Variants in TPM2 observed in about 807,000 individuals in gnomAD.
TPM2 encodes tropomyosin 2.
Under a neutral mutation model 41.0 loss-of-function variants are expected in TPM2, and 26 were observed. The observed-to-expected ratio is 0.63, with a 90% CI of 0.46 to 0.88. The LOEUF (loss-of-function observed/expected upper bound fraction) is 0.88, where lower values mean the gene tolerates loss of function less well. Among genes scored for constraint, TPM2 ranks in the 40% least tolerant of loss-of-function variants. The pLI is 0.00. For synonymous variants in TPM2, 143 were observed against 139.3 expected (o/e 1.03, Z -0.19); for missense variants, 187 against 355.2 (o/e 0.53, Z 3.81).
At chr9:35,684,423 A>G in intron 7 of TPM2, 65 bp downstream of exon 7, 1 of 1,612,370 alleles carries the variant, frequency 6.2e-7, no homozygotes, top group Admixed American at 1.7e-5. Flanking sequence ...GTCCTGCCAC[A>G]GGCCGTCTCT....
intron 2 of TPM2, among the ~76,000 whole-genome samples, chr9:35,686,636 CA>C (rs11408936): frequency 1.5e-4 from 16 of 104,366 alleles, no homozygotes; most frequent in East Asian, 5.5e-4. Flanking sequence ...GATCCCATCT[CA>C]AAAAAAAAAA....
chr9:35,687,167 G>C (rs62545551), intron 2 of TPM2, among the ~76,000 whole-genome samples: 4 of 152,088 alleles, frequency 2.6e-5, no homozygotes, highest in African/African-American at 9.7e-5. Context: ...CAGGACCTTC[G>C]GTGAGACTCA....
At chr9:35,687,866 C>G (rs1331991144) in intron 2 of TPM2, among the ~76,000 whole-genome samples, 2 of 152,104 alleles carry the variant, frequency 1.3e-5, no homozygotes, top group Admixed American at 6.6e-5. Context: ...TTCCCAGTTA[C>G]GGGGGCGGCT....
Position 35,689,843 on chromosome 9 carries a change from G to A in TPM2, c.-26C>T, listed in dbSNP as rs1262661116. ...GGCTGCGGTGGGGGGTGGGCCGGCC[G>A]GCAGGCGGTGAGGACCGGACGGACT... On this transcript the variant is annotated 5_prime_UTR_variant, in exon 1 of 9. Coordinates refer to ENST00000645482, the MANE Select transcript of TPM2 (RefSeq NM_003289.4). 17 of 1,612,878 alleles carry A rather than the reference G, an allele frequency of 1.1e-5. No individual in the cohort carries two copies. Among genetic ancestry groups the A allele is most frequent in the South Asian group, 3.3e-5 (3 of 91,074 alleles).
chr9:35,682,749 A>G (rs952941214), downstream of TPM2: 144 of 1,319,544 alleles, frequency 1.1e-4, no homozygotes, highest in Non-Finnish European at 1.4e-4. Context: ...TGCAGTGGTG[A>G]ATCAGAGAGC....
intron 2 of TPM2, among the ~76,000 whole-genome samples, chr9:35,688,737 C>A (rs1486472022): frequency 6.6e-6 from 1 of 152,162 alleles, no homozygotes; most frequent in Non-Finnish European, 1.5e-5. Flanking sequence ...CTGGATCCCT[C>A]TCCCTCCTCC....
In TPM2 at chr9:35,683,250, G is replaced by C. The variant is rs1175005753; in HGVS notation, c.773-9C>G. On this transcript the variant is annotated splice_polypyrimidine_tract_variant and intron_variant, in intron 8 of 8. Coordinates refer to ENST00000645482, the MANE Select transcript of TPM2 (RefSeq NM_003289.4). ...CTGGGCATAGACTTCATCTGGGGGG[G>C]GTCCAGGGAGGGGACCAGGTGGGAG... The C allele has an allele frequency of 9.0e-6, 14 of 1,549,944 alleles. No individual in the cohort carries two copies. Among genetic ancestry groups the C allele is most frequent in the Admixed American group, 7.8e-5 (4 of 51,290 alleles).
In TPM2 at chr9:35,684,714, C is replaced by T. The variant is rs1402003232; in HGVS notation, c.639+18G>A. ...CCCTGTGGGACCCCATCCTCACTGC[C>T]CCTCTGCTCCCCTCTACCTTGTCCG... On this transcript the variant is annotated intron_variant, in intron 6 of 8. Transcript: ENST00000645482. The T allele has an allele frequency of 6.2e-7, 1 of 1,614,138 alleles. No individual in the cohort carries two copies. Among genetic ancestry groups the T allele is most frequent in the Non-Finnish European group, 8.5e-7 (1 of 1,180,022 alleles).
intron 6 of TPM2, 86 bp from the exon 7 acceptor site, chr9:35,684,636 T>A: frequency 6.2e-7 from 1 of 1,613,440 alleles, no homozygotes; most frequent in Non-Finnish European, 8.5e-7. Flanking sequence ...CCTGGTCATC[T>A]TGCCTCCGTT....
rs781185798 is a variant in TPM2, at chr9:35,685,105, T to C, written c.563+164A>G. The C allele has an allele frequency of 2.5e-6, 4 of 1,614,120 alleles. No individual in the cohort carries two copies. Among genetic ancestry groups the C allele is most frequent in the East Asian group, 2.2e-5 (1 of 44,868 alleles). ...ATCAGGGACTTGAGGGCCTGGTCCA[T>C]GGTTCGAAGTTCCTCCTCCAGCTGT... On this transcript the variant is annotated intron_variant, in intron 5 of 8. Coordinates refer to ENST00000645482, the MANE Select transcript of TPM2 (RefSeq NM_003289.4). This position sits in a 1 kb window ranked among gnomAD's most constrained non-coding sequence, Gnocchi z 5.0.
Position 35,685,794 on chromosome 9 carries a change from G to A in TPM2, c.241-14C>T, listed in dbSNP as rs767992303. The A allele has an allele frequency of 3.1e-6, 5 of 1,614,030 alleles. No homozygotes were observed. Among genetic ancestry groups the A allele is most frequent in the Non-Finnish European group, 4.2e-6 (5 of 1,180,044 alleles). The stretch of plus-strand genomic sequence containing the variant: ...ATCTGCCTCAGCCTGTGGGTCAGAG[G>A]TCAGGGGTCAAAAAGGCCTTGTTAG... On this transcript the variant is annotated splice_polypyrimidine_tract_variant and intron_variant, in intron 2 of 8. Coordinates refer to ENST00000645482, the MANE Select transcript of TPM2 (RefSeq NM_003289.4). This position sits in a 1 kb window ranked among gnomAD's most constrained non-coding sequence, Gnocchi z 5.0.
rs1210691624 is a variant in TPM2 at position 35,683,162 on chromosome 9, G to A, written c.852C>T (p.Leu284=). 4 of 1,554,284 alleles carry A rather than the reference G, an allele frequency of 2.6e-6. No individual in the cohort carries two copies. The highest frequency in any genetic ancestry group is 3.3e-4 in the Middle Eastern group (2 of 5,994). Residue 284 remains leucine (L), a synonymous_variant, in exon 9 of 9, where the codon CTC becomes CTT. Transcript: ENST00000645482. ...LDNALNDITS[L] is the part of the protein sequence containing the mutation. ...GGTGGCCACGCTGGCGTGGGGCTCA[G>A]AGGGAGGTGATGTCATTGAGTGCGT...
intron 2 of TPM2, chr9:35,686,288 A>AGCTCC: frequency 4.1e-6 from 1 of 245,290 alleles, no homozygotes; most frequent in Non-Finnish European, 8.0e-6. Flanking sequence ...TTGCTTGACA[A>AGCTCC]GCTCCGCTCC....
chr9:35,687,467 G>A (rs931294995), intron 2 of TPM2, among the ~76,000 whole-genome samples: 2 of 151,140 alleles, frequency 1.3e-5, no homozygotes, highest in Admixed American at 6.6e-5. Flanking sequence ...GAAAGGAGGT[G>A]GGGGGAGGGG....
At position 35,689,887 on chromosome 9, in the gene TPM2, G is replaced by T; in HGVS notation, c.-70C>A. 6.2e-7 allele frequency: 1 copy of T among 1,609,198 alleles called. No homozygotes were observed. The highest frequency in any genetic ancestry group is 8.5e-7 in the Non-Finnish European group (1 of 1,178,514). ...ACGGACTGGGCTGGGTGAGCGGACT[G>T]GGTGCACCGGTGGCAGGCGAGGAGG... is the stretch of plus-strand genomic sequence containing the variant. On this transcript the variant is annotated 5_prime_UTR_variant, in exon 1 of 9. Transcript: ENST00000645482.
chr9:35,682,574 G>A (rs186890223), downstream of TPM2: 34 of 1,237,810 alleles, frequency 2.7e-5, no homozygotes, highest in Middle Eastern at 1.4e-3. Context: ...ATTTTTCCAA[G>A]CTCCATTCCA....
At position 35,684,551 on chromosome 9, in the gene TPM2, C is replaced by G. The variant is rs1824762163; in HGVS notation, c.640-1G>C. 1 of 1,614,020 alleles carries G rather than the reference C, an allele frequency of 6.2e-7. No homozygotes were observed. Among genetic ancestry groups the G allele is most frequent in the African/African-American group, 1.3e-5 (1 of 74,904 alleles). On this transcript the variant is annotated splice_acceptor_variant, in intron 6 of 8. Coordinates refer to ENST00000645482, the MANE Select transcript of TPM2 (RefSeq NM_003289.4). LOFTEE classifies it high-confidence loss of function. ...CATATTTATCTTCTTTGGTGGAATA[C>G]TTTTGGGGACACACACACGCCATCA... is the stretch of plus-strand genomic sequence containing the variant.
intron 2 of TPM2, among the ~76,000 whole-genome samples, chr9:35,686,815 T>C (rs1253353232): frequency 6.6e-6 from 1 of 151,968 alleles, no homozygotes; most frequent in Admixed American, 6.6e-5. Context: ...GTGTGAGGGA[T>C]GTCTACTCAG....
At chr9:35,688,944 A>T (rs1825092094) in intron 2 of TPM2, among the ~76,000 whole-genome samples, 1 of 152,200 alleles carries the variant, frequency 6.6e-6, no homozygotes, top group African/African-American at 2.4e-5. Flanking sequence ...CTCTGGGGGA[A>T]GTGGTAGGTG....
Sources: gnomAD v4.1 joint callset for allele counts (sites outside exome capture counted in the v4.1 genomes callset) on GRCh38, gnomAD v4.1.1 for gene constraint, Gnocchi (gnomAD v3.1) non-coding constraint, MANE v1.5 for transcripts, NCBI Gene and HGNC (gene_info 2026-07-23, HGNC 2026-07-21) for gene names.